CLNK: variants seen among roughly 807,000 people sequenced by gnomAD.
CLNK encodes the protein cytokine dependent hematopoietic cell linker, also known as cytokine-dependent hematopoietic cell linker.
In CLNK, 74 loss-of-function variants were observed where a neutral mutation model predicts 68.6. That is an observed-to-expected ratio of 1.08 (90% confidence interval 0.89 to 1.31). The LOEUF (loss-of-function observed/expected upper bound fraction) is 1.31. Ranked by LOEUF, CLNK falls within the 50% of genes most tolerant of loss-of-function variation. The probability of loss-of-function intolerance (pLI) is 0.00; values close to 1 mark genes in which losing one functional copy is unlikely to be tolerated. For missense variants in CLNK, 553 were observed against 515.3 expected, an observed-to-expected ratio of 1.07 and a Z score of -0.71; for synonymous variants, 198 against 172.2, an observed-to-expected ratio of 1.15 and a Z score of -1.17.
At chr4:10,734,654 C>T in the CLNK span, among the ~76,000 whole-genome samples, 1 of 152,200 alleles carries the variant, frequency 6.6e-6, no homozygotes. Flanking sequence ...TGTCAAAATT[C>T]CTGGTATTTT....
At chr4:10,665,155 T>A (rs1724340743) in intron 2 of CLNK, among the ~76,000 whole-genome samples, 2 of 152,230 alleles carry the variant, frequency 1.3e-5, no homozygotes, top group African/African-American at 2.4e-5. Flanking sequence ...TGTGAAATGG[T>A]GACGGTTTGG....
intron 1 of CLNK, among the ~76,000 whole-genome samples, chr4:10,683,411 T>TTA: frequency 6.6e-6 from 1 of 152,312 alleles, no homozygotes; most frequent in Non-Finnish European, 1.5e-5. Context: ...TTTAGATGGT[T>TTA]GGTGTCAGAG....
intron 2 of CLNK, among the ~76,000 whole-genome samples, chr4:10,606,806 A>G (rs1224786210): frequency 9.2e-5 from 14 of 152,190 alleles, no homozygotes; most frequent in Non-Finnish European, 1.5e-5. Context: ...ACACACACAC[A>G]TAGTTGATTC....
At position 10,564,673 on chromosome 4, in the gene CLNK, T is replaced by A; in HGVS notation, c.397A>T (p.Arg133Ter). 6.2e-7 allele frequency: 1 copy of A among 1,607,708 alleles called. No homozygotes were observed. Among genetic ancestry groups the A allele is most frequent in the Non-Finnish European group, 8.5e-7 (1 of 1,174,200 alleles). ...CACAATGTCCAGTCTTTACTCACTC[T>A]TTCCAACCTCGTCTGTGTGTTCCAG... is the stretch of plus-strand genomic sequence containing the variant. ...PTWNTQTRLE[R>*]VDKPISKDVR... Residue 133 changes from arginine (R) to a stop codon, truncating the protein, a stop_gained and splice_region_variant, in exon 7 of 19, where the codon AGA becomes TGA. Coordinates refer to ENST00000226951, the MANE Select transcript of CLNK (RefSeq NM_052964.4). LOFTEE classifies it high-confidence loss of function.
chr4:10,625,049 A>G (rs917255985), intron 2 of CLNK, among the ~76,000 whole-genome samples: 3 of 152,196 alleles, frequency 2.0e-5, no homozygotes, highest in African/African-American at 7.2e-5. Flanking sequence ...CCATCATGGT[A>G]TTGTGAATGT....
intron 17 of CLNK, 126 bp downstream of exon 17, chr4:10,507,833 G>A: frequency 1.4e-6 from 1 of 712,318 alleles, no homozygotes. Flanking sequence ...CCAGCACTGA[G>A]AAATGCAGGG....
chr4:10,559,936 T>G (rs1719820958), intron 7 of CLNK, among the ~76,000 whole-genome samples: 1 of 152,120 alleles, frequency 6.6e-6, no homozygotes, highest in African/African-American at 2.4e-5. Context: ...CTTAGTAACA[T>G]CTCTGTCTTC....
At chr4:10,560,959 T>C (rs796913743) in intron 7 of CLNK, among the ~76,000 whole-genome samples, 12 of 151,958 alleles carry the variant, frequency 7.9e-5, no homozygotes, top group African/African-American at 2.9e-4. Context: ...TGAAGTGGCA[T>C]GATCACGGCT....
chr4:10,648,713 C>T (rs150554447), intron 2 of CLNK, among the ~76,000 whole-genome samples: 1 of 152,280 alleles, frequency 6.6e-6, no homozygotes, highest in African/African-American at 2.4e-5. Flanking sequence ...CTCTGGCTTT[C>T]TGGTTCTGAG....
rs750466586 is a variant in CLNK at position 10,493,612 on chromosome 4, C to G, written c.1141-2999G>C. ...TTAGGGCTTAGGATTTCAACACATACATTTTGGAGGAATACAAACATTCAG... is the reference window on the plus strand; with the variant it reads ...TTAGGGCTTAGGATTTCAACACATAGATTTTGGAGGAATACAAACATTCAG... On this transcript the variant is annotated intron_variant, in intron 18 of 18. Coordinates refer to ENST00000226951, the MANE Select transcript of CLNK (RefSeq NM_052964.4). 6.6e-5 allele frequency among the ~76,000 whole-genome samples: 10 copies of G among 152,156 alleles called. 1 individual carries two copies. Among genetic ancestry groups the G allele is most frequent in the Admixed American group, 5.2e-4 (8 of 15,280 alleles).
intron 2 of CLNK, among the ~76,000 whole-genome samples, chr4:10,653,520 T>C (rs932479074): frequency 2.0e-5 from 3 of 152,214 alleles, no homozygotes; most frequent in Middle Eastern, 3.4e-3. Flanking sequence ...ATTCAAAGAA[T>C]AAATAATAAT....
intron 17 of CLNK, 58 bp from the exon 18 acceptor site, chr4:10,501,469 A>G (rs927892313): frequency 5.8e-6 from 9 of 1,542,692 alleles, no homozygotes; most frequent in African/African-American, 1.4e-5. Flanking sequence ...TGCCCTTGTA[A>G]TGGTGGCAAC....
chr4:10,640,682 C>A (rs1020201049), intron 2 of CLNK, among the ~76,000 whole-genome samples: 27 of 152,212 alleles, frequency 1.8e-4, no homozygotes, highest in African/African-American at 6.5e-4. Context: ...GAGATGCAGA[C>A]TAGGAAGGGC....
intron 15 of CLNK, among the ~76,000 whole-genome samples, chr4:10,519,964 A>G (rs540721697): frequency 2.0e-5 from 3 of 152,312 alleles, no homozygotes; most frequent in Admixed American, 6.5e-5. Flanking sequence ...GAGAGATAGA[A>G]TTAGGAGCAG....
intron 3 of CLNK, among the ~76,000 whole-genome samples, chr4:10,596,152 A>G (rs890985890): frequency 1.3e-5 from 2 of 152,126 alleles, no homozygotes; most frequent in African/African-American, 2.4e-5. Flanking sequence ...CAGCCTCCCA[A>G]GTAGCTCGGA....
intron 17 of CLNK, among the ~76,000 whole-genome samples, chr4:10,506,276 T>C (rs1317871872): frequency 6.6e-6 from 1 of 152,172 alleles, no homozygotes; most frequent in Non-Finnish European, 1.5e-5. Flanking sequence ...GTGACTTCCT[T>C]TGGTTAAAGA....
At chr4:10,562,127 G>T (rs1163215190) in intron 7 of CLNK, among the ~76,000 whole-genome samples, 1 of 146,244 alleles carries the variant, frequency 6.8e-6, no homozygotes, top group Admixed American at 6.8e-5. Flanking sequence ...TTGAGACAGG[G>T]TCTCACTCTG....
intron 8 of CLNK, among the ~76,000 whole-genome samples, chr4:10,550,426 C>T (rs1483046892): frequency 1.3e-5 from 2 of 152,046 alleles, no homozygotes; most frequent in Admixed American, 6.6e-5. Context: ...ACCCGGGAGG[C>T]GGAGCTTGCA....
intron 2 of CLNK, among the ~76,000 whole-genome samples, chr4:10,628,531 C>T (rs1004997444): frequency 6.6e-6 from 1 of 152,222 alleles, no homozygotes; most frequent in Middle Eastern, 3.4e-3. Flanking sequence ...GAATGTGGTC[C>T]AGCACATTGA....
Sources: gnomAD v4.1 joint callset for allele counts (sites outside exome capture counted in the v4.1 genomes callset) on GRCh38, gnomAD v4.1.1 for gene constraint, MANE v1.5 for transcripts, NCBI Gene and HGNC (gene_info 2026-07-23, HGNC 2026-07-21) for gene names.